CPA6: variants seen among roughly 807,000 people sequenced by gnomAD.
The protein encoded by CPA6 is carboxypeptidase A6.
In CPA6, 58 loss-of-function variants were observed where a neutral mutation model predicts 63.3. The observed-to-expected ratio is 0.92, with a 90% CI of 0.74 to 1.14. CPA6 has a LOEUF of 1.14. Ranked by LOEUF, CPA6 falls within the 50% of genes most tolerant of loss-of-function variation. The probability of loss-of-function intolerance (pLI) is 0.00; values close to 1 mark genes in which losing one functional copy is unlikely to be tolerated. For synonymous variants in CPA6, 185 were observed against 179.0 expected (o/e 1.03, Z -0.27); for missense variants, 565 against 526.6 (o/e 1.07, Z -0.71).
At chr8:67,518,978 T>A (rs1316689933) in intron 2 of CPA6, among the ~76,000 whole-genome samples, 1 of 152,202 alleles carries the variant, frequency 6.6e-6, no homozygotes, top group Non-Finnish European at 1.5e-5. Context: ...TCTTTCTTGA[T>A]GTAGCTTCCT....
chr8:67,592,888 T>G (rs369480932), intron 2 of CPA6, among the ~76,000 whole-genome samples: 10 of 152,144 alleles, frequency 6.6e-5, no homozygotes, highest in South Asian at 4.2e-4. Flanking sequence ...ATTTCCTTCA[T>G]TTCTGCTCTG....
At chr8:67,726,480 T>C (rs1233498948) in intron 1 of CPA6, among the ~76,000 whole-genome samples, 1 of 152,112 alleles carries the variant, frequency 6.6e-6, no homozygotes, top group East Asian at 1.9e-4. Flanking sequence ...TGCAAGAAAC[T>C]GCTGGCAAAT....
chr8:67,645,399 G>A (rs76071739), intron 1 of CPA6, among the ~76,000 whole-genome samples: 144 of 152,240 alleles, frequency 9.5e-4, no homozygotes, highest in Admixed American at 1.9e-3. Context: ...TGAAGATCAC[G>A]GCATGAATTT....
At chr8:67,638,512 C>A (rs553029138) in intron 1 of CPA6, among the ~76,000 whole-genome samples, 13 of 151,670 alleles carry the variant, frequency 8.6e-5, no homozygotes, top group Admixed American at 7.2e-4. Flanking sequence ...CTGTGATGTG[C>A]TGCTCAAGTC....
chr8:67,597,885 G>A (rs983567666), intron 2 of CPA6, among the ~76,000 whole-genome samples: 1 of 152,112 alleles, frequency 6.6e-6, no homozygotes, highest in Non-Finnish European at 1.5e-5. Flanking sequence ...ATTATGTGTG[G>A]ACATCACATT....
intron 2 of CPA6, among the ~76,000 whole-genome samples, chr8:67,543,036 G>A (rs1812739896): frequency 6.6e-6 from 1 of 152,140 alleles, no homozygotes; most frequent in Non-Finnish European, 1.5e-5. Context: ...TTTAAACTGT[G>A]CTAGTATTTT....
At chr8:67,725,797 G>A (rs182772070) in intron 1 of CPA6, among the ~76,000 whole-genome samples, 1 of 152,286 alleles carries the variant, frequency 6.6e-6, no homozygotes, top group Non-Finnish European at 1.5e-5. Context: ...TCCTGCCTCA[G>A]CCTCCCAAAG....
intron 1 of CPA6, among the ~76,000 whole-genome samples, chr8:67,736,449 T>C (rs1300570639): frequency 6.6e-6 from 1 of 152,208 alleles, no homozygotes; most frequent in African/African-American, 2.4e-5. Flanking sequence ...GATGATATCA[T>C]GAATGATGTC....
rs1563994114 is a variant in CPA6 at position 67,545,578 on chromosome 8, T to TG, written c.193-27532_193-27531insC. Reference sequence around the variant, plus strand: ...GCTACTGTTACTTTTTTTTTTTTTTTTTTTTTGAGATGGAGTTTTGCTCTT... The same window carrying TG: ...GCTACTGTTACTTTTTTTTTTTTTTTGTTTTTTGAGATGGAGTTTTGCTCTT... On this transcript the variant is annotated intron_variant, in intron 2 of 10. Transcript: ENST00000297770. Among the ~76,000 whole-genome samples, 5 of 130,720 alleles carry TG rather than the reference T, an allele frequency of 3.8e-5. No homozygotes were observed. The East Asian group carries it at 1.1e-3, about 30-fold the overall frequency. 85.8% of individuals were successfully genotyped at this position (130,720 alleles called of 152,430 possible).
chr8:67,532,584 A>G (rs1812500896), intron 2 of CPA6, among the ~76,000 whole-genome samples: 1 of 152,074 alleles, frequency 6.6e-6, no homozygotes, highest in Non-Finnish European at 1.5e-5. Flanking sequence ...TGGGAGGCTG[A>G]GAGGTGGGAG....
At chr8:67,714,955 G>C (rs1164445442) in intron 1 of CPA6, among the ~76,000 whole-genome samples, 1 of 152,152 alleles carries the variant, frequency 6.6e-6, no homozygotes, top group Non-Finnish European at 1.5e-5. Context: ...GAAACAAGGA[G>C]CTATCATAGG....
At chr8:67,563,775 A>G (rs146833695) in intron 2 of CPA6, among the ~76,000 whole-genome samples, 4 of 152,300 alleles carry the variant, frequency 2.6e-5, no homozygotes, top group Non-Finnish European at 4.4e-5. Flanking sequence ...GCAAATCTGC[A>G]TGTTTAGTCC....
chr8:67,474,582 A>T (rs1207135254), intron 8 of CPA6, among the ~76,000 whole-genome samples: 1 of 152,164 alleles, frequency 6.6e-6, no homozygotes. Context: ...TTTGGAATGG[A>T]TGGAGAGTGC....
intron 2 of CPA6, among the ~76,000 whole-genome samples, chr8:67,605,084 T>A (rs1393677821): frequency 1.3e-5 from 2 of 151,200 alleles, no homozygotes; most frequent in African/African-American, 4.9e-5. Flanking sequence ...AGCCACGTTT[T>A]TTTTTTTTTC....
At chr8:67,643,553 T>C (rs1044255948) in intron 1 of CPA6, among the ~76,000 whole-genome samples, 2 of 152,126 alleles carry the variant, frequency 1.3e-5, no homozygotes, top group African/African-American at 4.8e-5. Context: ...GTAGTTTTTT[T>C]TTTAAATCAA....
intron 1 of CPA6, among the ~76,000 whole-genome samples, chr8:67,721,129 T>C (rs1328182207): frequency 6.6e-6 from 1 of 152,264 alleles, no homozygotes; most frequent in Non-Finnish European, 1.5e-5. Flanking sequence ...ATGGAGTTAA[T>C]GGTGCCAACT....
chr8:67,516,017 G>C (rs563523001), intron 3 of CPA6, among the ~76,000 whole-genome samples: 2 of 152,012 alleles, frequency 1.3e-5, no homozygotes, highest in African/African-American at 4.8e-5. Flanking sequence ...TTAGACCCAG[G>C]GATGAATACT....
At chr8:67,536,159 G>A (rs1362452632) in intron 2 of CPA6, among the ~76,000 whole-genome samples, 1 of 152,128 alleles carries the variant, frequency 6.6e-6, no homozygotes, top group East Asian at 1.9e-4. Flanking sequence ...TTTTTGCTTA[G>A]GATTGTCTTG....
At chr8:67,454,132 C>A (rs75278976) in intron 8 of CPA6, among the ~76,000 whole-genome samples, 17 of 152,330 alleles carry the variant, frequency 1.1e-4, no homozygotes, top group African/African-American at 3.6e-4. Flanking sequence ...CTATACCAAC[C>A]CTGTCTTTAC....
Sources: gnomAD v4.1 joint callset for allele counts (sites outside exome capture counted in the v4.1 genomes callset) on GRCh38, gnomAD v4.1.1 for gene constraint, MANE v1.5 for transcripts, NCBI Gene and HGNC (gene_info 2026-07-23, HGNC 2026-07-21) for gene names.